Variants in KDM3A observed in about 807,000 individuals in gnomAD.
KDM3A encodes lysine demethylase 3A, also known as lysine-specific demethylase 3A.
KDM3A carries 60 observed loss-of-function variants against 158.0 expected under a neutral mutation model. The ratio of observed to expected loss-of-function variants is 0.38; its 90% CI spans 0.31 to 0.47. The LOEUF is 0.47. Among genes scored for constraint, KDM3A ranks in the 20% least tolerant of loss-of-function variants. The probability of loss-of-function intolerance (pLI) is 0.99; values close to 1 mark genes in which losing one functional copy is unlikely to be tolerated. For missense variants in KDM3A, 1,319 were observed against 1,574.3 expected, an observed-to-expected ratio of 0.84 and a Z score of 2.74; for synonymous variants, 608 against 549.3, an observed-to-expected ratio of 1.11 and a Z score of -1.49.
At chr2:86,475,663 A>C (rs995097192) in intron 12 of KDM3A, among the ~76,000 whole-genome samples, 8 of 152,212 alleles carry the variant, frequency 5.3e-5, no homozygotes, top group Admixed American at 4.6e-4. Context: ...CTCTGTGGAA[A>C]TGAGTTATCC....
At chr2:86,471,390 T>C (rs1170950887) in intron 11 of KDM3A, among the ~76,000 whole-genome samples, 1 of 151,604 alleles carries the variant, frequency 6.6e-6, no homozygotes, top group African/African-American at 2.4e-5. Flanking sequence ...TATGTGTGTA[T>C]ATATATATAT....
At chr2:86,482,323 A>C in intron 17 of KDM3A, 135 bp from the exon 18 acceptor site, 4 of 1,409,060 alleles carry the variant, frequency 2.8e-6, no homozygotes, top group South Asian at 1.4e-5. Context: ...AAGTGGGGAC[A>C]GGGGACGTAC....
At chr2:86,488,096 TTC>T (rs1674272785) in intron 21 of KDM3A, 1 of 152,174 alleles carries the variant, frequency 6.6e-6, no homozygotes, top group South Asian at 2.1e-4. Flanking sequence ...CTGCACAATA[TTC>T]TTTCAGTTTT....
rs1672732945 is a variant in KDM3A at position 86,457,008 on chromosome 2, A to G, written c.780A>G (p.Val260=). 2 of 1,603,968 alleles carry G rather than the reference A, an allele frequency of 1.2e-6. No homozygotes were observed. The highest frequency in any genetic ancestry group is 2.2e-5 in the East Asian group (1 of 44,672). Residue 260 remains valine (V), a synonymous_variant, in exon 8 of 26, where the codon GTA becomes GTG. Transcript: ENST00000312912. ...GTAATTCTGCAAGAATTGGAGCTGTAAAACGCAAGTCTTCTGAGAATAATG... is the reference window on the plus strand; with the variant it reads ...GTAATTCTGCAAGAATTGGAGCTGTGAAACGCAAGTCTTCTGAGAATAATG... The part of the protein sequence containing the change: ...TCGNSARIGA[V]KRKSSENNGT...
chr2:86,481,996 G>A lies in KDM3A; in HGVS notation c.2579G>A (p.Ser860Asn). Reference protein sequence around the residue: ...IKCLPPLPPLSKSSTVLHTFN... With the variant: ...IKCLPPLPPLNKSSTVLHTFN... The stretch of plus-strand genomic sequence containing the variant: ...TGCCTTCCACCCCTCCCACCTTTAA[G>A]CAAATCCAGCACAGTCCTCCATACG... Residue 860 changes from serine (S) to asparagine (N), a missense_variant, in exon 17 of 26, where the codon AGC becomes AAC. By Grantham distance (46) the Ser-to-Asn change is conservative (BLOSUM62 1). This residue lies in a region of KDM3A where 368 missense variants were observed against 415.8 expected (regional missense o/e 0.89). Coordinates refer to ENST00000312912, the MANE Select transcript of KDM3A (RefSeq NM_018433.6). 3 of 1,613,974 alleles carry A rather than the reference G, an allele frequency of 1.9e-6. No homozygotes were observed. Among genetic ancestry groups the A allele is most frequent in the Non-Finnish European group, 2.5e-6 (3 of 1,179,928 alleles).
At chr2:86,470,444 C>A in intron 11 of KDM3A, 36 bp downstream of exon 11, 1 of 1,559,276 alleles carries the variant, frequency 6.4e-7, no homozygotes, top group Non-Finnish European at 8.8e-7. Context: ...ATAATCTGGG[C>A]ATACTTGTTA....
chr2:86,492,001 A>C, intron 25 of KDM3A, 38 bp from the exon 26 acceptor site: 1 of 1,347,218 alleles, frequency 7.4e-7, no homozygotes, highest in South Asian at 1.2e-5. Context: ...TTTTAGATTT[A>C]AATGTAAAAT....
At chr2:86,485,593 A>C in intron 20 of KDM3A, 136 bp from the exon 21 acceptor site, 1 of 991,818 alleles carries the variant, frequency 1.0e-6, no homozygotes, top group African/African-American at 1.6e-5. Flanking sequence ...TTCTCATCTT[A>C]AATATTTGAT....
At chr2:86,438,915 C>A (rs1682541249), upstream of KDM3A, among the ~76,000 whole-genome samples, 1 of 151,904 alleles carries the variant, frequency 6.6e-6, no homozygotes, top group South Asian at 2.1e-4. Flanking sequence ...CTTTACAAAT[C>A]CTCTACAACT....
chr2:86,448,108 A>G (rs58361202), intron 2 of KDM3A, among the ~76,000 whole-genome samples: 20,264 of 152,258 alleles, frequency 0.13, 1,469 homozygotes, highest in Middle Eastern at 0.16. Flanking sequence ...GGGTGTTCAC[A>G]TTTATTCTGA....
At chr2:86,460,646 C>G (rs1489340555) in intron 8 of KDM3A, 2 of 152,212 alleles carry the variant, frequency 1.3e-5, no homozygotes, top group African/African-American at 4.8e-5. Flanking sequence ...TCTTCTCTGC[C>G]TAGCAGACTA....
At chr2:86,447,514 C>T (rs1473646819) in intron 2 of KDM3A, among the ~76,000 whole-genome samples, 1 of 151,258 alleles carries the variant, frequency 6.6e-6, no homozygotes, top group African/African-American at 2.4e-5. Flanking sequence ...CCTCTTTCCC[C>T]TGCTCCTAAC....
chr2:86,456,966 A>G lies in KDM3A; in HGVS notation c.755-17A>G, dbSNP rs781693941. The G allele has an allele frequency of 5.0e-6, 8 of 1,585,844 alleles. No homozygotes were observed. The highest frequency in any genetic ancestry group is 1.1e-5 in the South Asian group (1 of 88,846). ...AGAAACAGGGAAGCCAACTTAACCT[A>G]TTTTTAAATATTTTAGGTAATTCTG... On this transcript the variant is annotated splice_polypyrimidine_tract_variant and intron_variant, in intron 7 of 25. Transcript: ENST00000312912.
At chr2:86,446,488 G>T (rs543756914) in intron 2 of KDM3A, among the ~76,000 whole-genome samples, 43 of 152,176 alleles carry the variant, frequency 2.8e-4, no homozygotes, top group African/African-American at 1.0e-3. Flanking sequence ...GGATCATCTG[G>T]TCAGGAGGTC....
At chr2:86,439,912 G>A (rs1682594822), upstream of KDM3A, among the ~76,000 whole-genome samples, 1 of 152,090 alleles carries the variant, frequency 6.6e-6, no homozygotes, top group Admixed American at 6.5e-5. Flanking sequence ...CAAGCTTCCT[G>A]TTTTGTAAGC....
chr2:86,447,647 T>C (rs1024954334), intron 2 of KDM3A, among the ~76,000 whole-genome samples: 1 of 152,180 alleles, frequency 6.6e-6, no homozygotes. Context: ...CAATGAGAGG[T>C]GTCACTTTTT....
At chr2:86,439,082 G>A (rs1293327201), upstream of KDM3A, among the ~76,000 whole-genome samples, 1 of 151,914 alleles carries the variant, frequency 6.6e-6, no homozygotes, top group African/African-American at 2.4e-5. Flanking sequence ...TTTTTAGAAA[G>A]TTTAAAAACA....
chr2:86,464,425 GA>G (rs1274263921), intron 9 of KDM3A, among the ~76,000 whole-genome samples: 2 of 152,192 alleles, frequency 1.3e-5, no homozygotes, highest in Non-Finnish European at 2.9e-5. Flanking sequence ...CATGAGAAAA[GA>G]GACTGTCTTG....
At chr2:86,459,469 G>T (rs1489766127) in intron 8 of KDM3A, among the ~76,000 whole-genome samples, 1 of 152,136 alleles carries the variant, frequency 6.6e-6, no homozygotes, top group African/African-American at 2.4e-5. Flanking sequence ...TAAATTGGGA[G>T]TATGATGAAG....
Sources: gnomAD v4.1 joint callset for allele counts (sites outside exome capture counted in the v4.1 genomes callset) on GRCh38, gnomAD v4.1.1 for gene constraint, gnomAD v4.1.1 regional missense constraint, MANE v1.5 for transcripts, NCBI Gene and HGNC (gene_info 2026-07-23, HGNC 2026-07-21) for gene names.